Variants in TNNI3K observed in about 807,000 individuals in gnomAD.
TNNI3K encodes serine/threonine-protein kinase TNNI3K.
In TNNI3K, 140 loss-of-function variants were observed where a neutral mutation model predicts 114.5. The observed-to-expected ratio is 1.22, with a 90% CI of 1.07 to 1.41. The LOEUF (loss-of-function observed/expected upper bound fraction) is 1.41, where lower values mean the gene tolerates loss of function less well. Ranked by LOEUF, TNNI3K falls within the 40% of genes most tolerant of loss-of-function variation. The probability of loss-of-function intolerance (pLI) is 0.00; values close to 1 mark genes in which losing one functional copy is unlikely to be tolerated. For missense variants in TNNI3K, 1,125 were observed against 1,007.6 expected, an observed-to-expected ratio of 1.12 and a Z score of -1.58; for synonymous variants, 347 against 347.5, an observed-to-expected ratio of 1.00 and a Z score of 0.02.
chr1:74,276,390 A>G (rs988046498), intron 5 of TNNI3K, among the ~76,000 whole-genome samples: 2 of 152,106 alleles, frequency 1.3e-5, no homozygotes, highest in African/African-American at 4.8e-5. Flanking sequence ...ATAAGGAATT[A>G]TTGAAGGAAA....
intron 21 of TNNI3K, among the ~76,000 whole-genome samples, chr1:74,483,831 C>T (rs927871497): frequency 6.6e-6 from 1 of 152,110 alleles, no homozygotes; most frequent in Non-Finnish European, 1.5e-5. Context: ...CAAAGCTAAT[C>T]TCAGACACTG....
At chr1:74,246,000 G>A (rs958161625) in intron 2 of TNNI3K, among the ~76,000 whole-genome samples, 7 of 152,094 alleles carry the variant, frequency 4.6e-5, no homozygotes, top group Admixed American at 6.6e-5. Context: ...ATAAGAAGGG[G>A]GTTCAGAATT....
At chr1:74,381,664 C>T (rs1186242052) in intron 17 of TNNI3K, among the ~76,000 whole-genome samples, 1 of 152,062 alleles carries the variant, frequency 6.6e-6, no homozygotes, top group Admixed American at 6.5e-5. Context: ...AGACCTCTCA[C>T]TCCTTCTTGG....
At chr1:74,267,045 T>C (rs950017380) in intron 4 of TNNI3K, among the ~76,000 whole-genome samples, 2 of 151,902 alleles carry the variant, frequency 1.3e-5, no homozygotes, top group Admixed American at 1.3e-4. Context: ...GTGTGTCACA[T>C]TGAATAATAA....
intron 11 of TNNI3K, among the ~76,000 whole-genome samples, chr1:74,365,717 T>C (rs1223686162): frequency 6.6e-6 from 1 of 152,064 alleles, no homozygotes; most frequent in Non-Finnish European, 1.5e-5. Flanking sequence ...TTGGCTAATG[T>C]CCTTAAATTA....
intron 5 of TNNI3K, among the ~76,000 whole-genome samples, chr1:74,320,267 TTGATAAAC>T (rs1659536674): frequency 6.6e-6 from 1 of 152,198 alleles, no homozygotes; most frequent in South Asian, 2.1e-4. Context: ...GTTCTTCATT[TTGATAAAC>T]TCTTCCTCAG....
At chr1:74,265,902 G>GA (rs918059657) in intron 4 of TNNI3K, among the ~76,000 whole-genome samples, 2 of 954 alleles carry the variant, frequency 2.1e-3, no homozygotes, top group Non-Finnish European at 0.019. Context: ...ACAAAGAATG[G>GA]AAGGGAAAAT....
intron 5 of TNNI3K, among the ~76,000 whole-genome samples, chr1:74,320,029 A>T (rs1471679460): frequency 6.6e-6 from 1 of 152,166 alleles, no homozygotes; most frequent in South Asian, 2.1e-4. Context: ...TCTGGGTTTG[A>T]GTCCCATCTG....
chr1:74,413,534 TTAAC>T (rs1664984863), intron 17 of TNNI3K, among the ~76,000 whole-genome samples: 1 of 152,202 alleles, frequency 6.6e-6, no homozygotes, highest in Non-Finnish European at 1.5e-5. Flanking sequence ...GTTTAAGAAA[TTAAC>T]TGATATCTTC....
intron 23 of TNNI3K, among the ~76,000 whole-genome samples, chr1:74,526,997 AT>A (rs1646511965): frequency 6.6e-6 from 1 of 152,188 alleles, no homozygotes; most frequent in African/African-American, 2.4e-5. Context: ...AGCCTAAAAT[AT>A]TTACTGTCTG....
At chr1:74,474,793 T>C (rs1668108741) in intron 21 of TNNI3K, among the ~76,000 whole-genome samples, 1 of 152,058 alleles carries the variant, frequency 6.6e-6, no homozygotes, top group African/African-American at 2.4e-5. Flanking sequence ...TGGGAAGTTA[T>C]CATCCCTGAC....
At chr1:74,542,511 T>C (rs1646738701) in intron 24 of TNNI3K, among the ~76,000 whole-genome samples, 1 of 152,158 alleles carries the variant, frequency 6.6e-6, no homozygotes, top group South Asian at 2.1e-4. Flanking sequence ...ATAACCTTCC[T>C]CACATCTGAC....
chr1:74,270,841 T>G (rs1656296361), intron 4 of TNNI3K, among the ~76,000 whole-genome samples: 1 of 151,720 alleles, frequency 6.6e-6, no homozygotes, highest in Admixed American at 6.6e-5. Flanking sequence ...AATTACATAT[T>G]GAATTTCAAA....
intron 21 of TNNI3K, chr1:74,481,057 G>C (rs921797746): frequency 1.6e-6 from 1 of 610,168 alleles, no homozygotes; most frequent in African/African-American, 1.9e-5. Context: ...AATATCCTCT[G>C]AGCAATCTTA....
chr1:74,429,080 T>C (rs1167554156), intron 17 of TNNI3K, among the ~76,000 whole-genome samples: 1 of 152,056 alleles, frequency 6.6e-6, no homozygotes, highest in Admixed American at 6.6e-5. Flanking sequence ...TTCCTGACAG[T>C]CCAGTTACCA....
intron 20 of TNNI3K, among the ~76,000 whole-genome samples, chr1:74,457,733 A>G (rs1210733441): frequency 6.6e-6 from 1 of 152,176 alleles, no homozygotes; most frequent in Non-Finnish European, 1.5e-5. Context: ...AAAACAGAAG[A>G]CAGTGAAAGG....
chr1:74,359,400 G>C (rs1167251537), intron 11 of TNNI3K, among the ~76,000 whole-genome samples: 1 of 151,872 alleles, frequency 6.6e-6, no homozygotes, highest in Non-Finnish European at 1.5e-5. Context: ...AACATGTACA[G>C]TTAGAAATTT....
rs1462666944 is a variant in TNNI3K at position 74,544,130 on chromosome 1, C to T, written c.*148C>T. The T allele has an allele frequency of 1.4e-6, 1 of 732,922 alleles. No homozygotes were observed. The allele number at this position is 732,922 out of a possible 1,614,324, so 45.4% of individuals were successfully genotyped here. ...TTTTTACTTGTCCTATTTAATTCCC[C>T]ACTATTAGCAGGCTTTGGATTTGTG... On this transcript the variant is annotated 3_prime_UTR_variant, in exon 25 of 25. Coordinates refer to ENST00000326637, the MANE Select transcript of TNNI3K (RefSeq NM_015978.3).
intron 5 of TNNI3K, among the ~76,000 whole-genome samples, chr1:74,299,214 A>G (rs76134834): frequency 2.0e-4 from 31 of 152,222 alleles, no homozygotes; most frequent in African/African-American, 7.0e-4. Context: ...AAGCGTGCTG[A>G]TTGGTGACAA....
Sources: allele counts gnomAD v4.1 joint callset (sites outside exome capture counted in the v4.1 genomes callset), GRCh38; gene constraint gnomAD v4.1.1; transcripts MANE v1.5; gene names NCBI Gene and HGNC (gene_info 2026-07-23, HGNC 2026-07-21).